CHL1: variants seen among roughly 807,000 people sequenced by gnomAD.
CHL1 encodes neural cell adhesion molecule L1-like protein.
A neutral mutation model predicts 141.9 loss-of-function variants in CHL1; 96 were observed. The observed-to-expected ratio is 0.68, with a 90% CI of 0.57 to 0.80. CHL1 has a LOEUF of 0.80. Ranked by LOEUF, CHL1 falls within the 30% of genes least tolerant of loss-of-function variation. The pLI is 0.00. For missense variants in CHL1, 1,820 were observed against 1,457.2 expected (o/e 1.25, Z -4.05); for synonymous variants, 613 against 502.2 (o/e 1.22, Z -2.95).
rs373156471 is a variant in CHL1 at position 398,237 on chromosome 3, C to T, written c.3105C>T (p.Ile1035=). The change falls in exon 25 of 28, where the codon ATC becomes ATT. Residue 1035 remains isoleucine (I), a synonymous_variant. Coordinates refer to ENST00000256509, the MANE Select transcript of CHL1 (RefSeq NM_006614.4). ...GTGTACATTTCTTAGGTAAAGGTAT[C>T]GGGAAGATATCAGGAGTAAATCTTA... is the stretch of plus-strand genomic sequence containing the variant. The part of the protein sequence containing the change: ...SSTLGEGSKG[I]GKISGVNLTQ... 2.6e-5 allele frequency: 42 copies of T among 1,595,396 alleles called. No homozygotes were observed. Among genetic ancestry groups the T allele is most frequent in the African/African-American group, 2.7e-5 (2 of 74,326 alleles).
Position 319,931 on chromosome 3 carries a change from G to C in CHL1, c.91+64G>C. ...ATATTTGCATTTTGATTTTTAAGTA[G>C]AATACTTATGGATTGAGGATGTGAC... On this transcript the variant is annotated intron_variant, in intron 3 of 27. Coordinates refer to ENST00000256509, the MANE Select transcript of CHL1 (RefSeq NM_006614.4). The C allele has an allele frequency of 9.1e-6, 8 of 879,344 alleles. No individual in the cohort carries two copies. In the Middle Eastern group the frequency reaches 2.2e-3, roughly 241 times the overall value. The allele number at this position is 879,344 out of a possible 1,614,324, so 54.5% of individuals were successfully genotyped here.
At chr3:343,581 G>A (rs1376515002) in intron 8 of CHL1, among the ~76,000 whole-genome samples, 1 of 152,168 alleles carries the variant, frequency 6.6e-6, no homozygotes, top group East Asian at 1.9e-4. Flanking sequence ...TGTGTTCTAT[G>A]GAAAATGCCT....
chr3:344,872 C>G (rs568552510), intron 9 of CHL1, among the ~76,000 whole-genome samples, 163 bp downstream of exon 9: 47 of 152,198 alleles, frequency 3.1e-4, no homozygotes, highest in Admixed American at 2.7e-3. Flanking sequence ...GACTGTTATT[C>G]CAGGTACTTA....
chr3:324,236 G>A (rs2125060055), intron 3 of CHL1, among the ~76,000 whole-genome samples: 1 of 152,098 alleles, frequency 6.6e-6, no homozygotes, highest in Non-Finnish European at 1.5e-5. Context: ...CAGGTTTTAG[G>A]GCCTCATTTG....
intron 1 of CHL1, among the ~76,000 whole-genome samples, chr3:235,163 A>G (rs557375689): frequency 2.6e-5 from 4 of 152,108 alleles, no homozygotes; most frequent in Admixed American, 2.6e-4. Context: ...CTCTTTCTAA[A>G]CATTATTAAA....
At chr3:361,273 A>G (rs1214177633) in intron 12 of CHL1, among the ~76,000 whole-genome samples, 1 of 149,688 alleles carries the variant, frequency 6.7e-6, no homozygotes, top group East Asian at 2.0e-4. Context: ...AAACCCTAGA[A>G]GAAAACCTAG....
rs1698636721 is a variant in CHL1, at chr3:300,624, A to G, written c.-94-19059A>G. Among the ~76,000 whole-genome samples the G allele has an allele frequency of 2.0e-5, 3 of 152,216 alleles. No individual in the cohort carries two copies. In the South Asian group the frequency reaches 6.2e-4, roughly 32 times the overall value. ...AGGCAATACCTTTGGCAATGACGAC[A>G]TGATGATGAGCAAAGCCTGAATGTT... On this transcript the variant is annotated intron_variant, in intron 2 of 27. Transcript: ENST00000256509.
chr3:226,016 G>A (rs9823008), intron 1 of CHL1, among the ~76,000 whole-genome samples: 132,442 of 147,128 alleles, frequency 0.9, 58,880 homozygotes, highest in East Asian at 0.99. Context: ...CTAAAAAAAA[G>A]AGACACGTTA....
At chr3:373,633 G>A (rs942810507) in intron 15 of CHL1, 5 of 152,442 alleles carry the variant, frequency 3.3e-5, no homozygotes, top group Non-Finnish European at 7.3e-5. Context: ...TGCAGCTGTG[G>A]GGCTGGCCGC....
chr3:310,252 A>G (rs922826788), intron 2 of CHL1, among the ~76,000 whole-genome samples: 3 of 152,060 alleles, frequency 2.0e-5, no homozygotes, highest in African/African-American at 7.2e-5. Flanking sequence ...CAGCATAGTG[A>G]GACCCCTATC....
chr3:350,761 T>C (rs1196251067), intron 10 of CHL1, among the ~76,000 whole-genome samples: 1 of 152,136 alleles, frequency 6.6e-6, no homozygotes, highest in African/African-American at 2.4e-5. Context: ...AAAACCGAAG[T>C]TGAGAATTTT....
chr3:336,923 T>C lies in CHL1; in HGVS notation c.386-3871T>C, dbSNP rs1338190817. 2.0e-5 allele frequency among the ~76,000 whole-genome samples: 3 copies of C among 152,292 alleles called. No individual in the cohort carries two copies. The East Asian group carries it at 5.8e-4, about 29-fold the overall frequency. On this transcript the variant is annotated intron_variant, in intron 5 of 27. Coordinates refer to ENST00000256509, the MANE Select transcript of CHL1 (RefSeq NM_006614.4). The stretch of plus-strand genomic sequence containing the variant: ...GCTTGTCTGTAGGGAAGTGTTTCCA[T>C]GATGGATTTCAACTGGGGAAGTTTT...
chr3:234,100 T>G (rs1169521251), intron 1 of CHL1, among the ~76,000 whole-genome samples: 1 of 151,996 alleles, frequency 6.6e-6, no homozygotes. Flanking sequence ...GCTATAGCAC[T>G]GGGTGAATAT....
intron 5 of CHL1, among the ~76,000 whole-genome samples, chr3:339,475 G>A (rs1702193772): frequency 6.6e-6 from 1 of 152,150 alleles, no homozygotes; most frequent in Non-Finnish European, 1.5e-5. Context: ...CTTTCTAAAA[G>A]GAATCTTATA....
chr3:334,617 C>G (rs1311884005), intron 5 of CHL1, among the ~76,000 whole-genome samples: 1 of 152,140 alleles, frequency 6.6e-6, no homozygotes. Flanking sequence ...TAGTTTATTT[C>G]TCTATATTGC....
chr3:405,494 G>A lies in CHL1; in HGVS notation c.3459-1G>A. 1.2e-6 allele frequency: 2 copies of A among 1,604,146 alleles called. No homozygotes were observed. The highest frequency in any genetic ancestry group is 2.2e-5 in the South Asian group (2 of 90,588). ...GCTATTTTTGTTTGTTTGTTTTCTAGTGACAGTGATGAAAAGCCTCTCAAA... is the reference window on the plus strand; with the variant it reads ...GCTATTTTTGTTTGTTTGTTTTCTAATGACAGTGATGAAAAGCCTCTCAAA... On this transcript the variant is annotated splice_acceptor_variant, in intron 27 of 27. Coordinates refer to ENST00000256509, the MANE Select transcript of CHL1 (RefSeq NM_006614.4). LOFTEE classifies it high-confidence loss of function.
At chr3:276,621 G>A (rs1306551269) in intron 2 of CHL1, among the ~76,000 whole-genome samples, 2 of 152,074 alleles carry the variant, frequency 1.3e-5, no homozygotes, top group South Asian at 2.1e-4. Context: ...TGGGCACGGT[G>A]GCTCACACCT....
At chr3:310,279 T>TA (rs1699650901) in intron 2 of CHL1, among the ~76,000 whole-genome samples, 1 of 151,800 alleles carries the variant, frequency 6.6e-6, no homozygotes, top group South Asian at 2.1e-4. Context: ...ATTTTTTTTT[T>TA]AATTAGCTGC....
At chr3:220,954 G>C (rs539828346) in intron 1 of CHL1, among the ~76,000 whole-genome samples, 1 of 152,116 alleles carries the variant, frequency 6.6e-6, no homozygotes, top group Non-Finnish European at 1.5e-5. Flanking sequence ...GCCTCATCTG[G>C]ATAGAACCTT....
Sources: gnomAD v4.1 joint callset for allele counts (sites outside exome capture counted in the v4.1 genomes callset) on GRCh38, gnomAD v4.1.1 for gene constraint, MANE v1.5 for transcripts, NCBI Gene and HGNC (gene_info 2026-07-23, HGNC 2026-07-21) for gene names.